TEP1: variants seen among roughly 807,000 people sequenced by gnomAD.
TEP1 encodes telomerase protein component 1.
A neutral mutation model predicts 306.3 loss-of-function variants in TEP1; 241 were observed. That is an observed-to-expected ratio of 0.79 (90% confidence interval 0.71 to 0.88). The LOEUF is 0.88. TEP1 is among the 40% of genes least tolerant of loss of function. The pLI is 0.00. For missense variants in TEP1, 3,051 were observed against 3,276.1 expected (o/e 0.93, Z 1.68); for synonymous variants, 1,289 against 1,305.5 (o/e 0.99, Z 0.27).
chr14:20,374,575 T>TTAGCCACTGTGCAGCTGCCATGGAG, intron 43 of TEP1, 39 bp from the exon 44 acceptor site: 1 of 1,489,292 alleles, frequency 6.7e-7, no homozygotes, highest in Non-Finnish European at 9.3e-7. Context: ...ATTATCAGCA[T>TTAGCCACTGTGCAGCTGCCATGGAG]CCCTCCAGCA....
In TEP1 at chr14:20,366,533, A is replaced by G. The variant is rs1471106147; in HGVS notation, c.*1904T>C. The G allele has an allele frequency of 6.6e-6, 1 of 152,256 alleles. No individual in the cohort carries two copies. The highest frequency in any genetic ancestry group is 1.5e-5 in the Non-Finnish European group (1 of 68,042). 9.4% of individuals were successfully genotyped at this position (152,256 alleles called of 1,614,324 possible). ...TGGCATGAGGCACATAAGAGAAGAC[A>G]GAAGCATGGCCTATCAGCGGATGTC... On this transcript the variant is annotated 3_prime_UTR_variant, in exon 55 of 55. Transcript: ENST00000262715.
intron 21 of TEP1, 81 bp downstream of exon 21, chr14:20,384,904 T>C: frequency 6.3e-7 from 1 of 1,598,188 alleles, no homozygotes; most frequent in Non-Finnish European, 8.5e-7. Context: ...TCCCCTTCTA[T>C]ACTCTGAATA....
rs147180226 is a variant in TEP1, at chr14:20,391,629, G to C, written c.2067C>G (p.Asp689Glu). Reference sequence around the variant, plus strand: ...GTGGGTTGCTCTTTGGACAGAGCCTGTCTGCATTAGCATCTGTCAGATAGA... The same window carrying C: ...GTGGGTTGCTCTTTGGACAGAGCCTCTCTGCATTAGCATCTGTCAGATAGA... ...VLVYLTDANA[D>E]RLCPKSNPQG... Residue 689 changes from aspartate to glutamate, a missense_variant, in exon 13 of 55, where the codon GAC becomes GAG. Asp to Glu is a conservative substitution (Grantham distance 45). Coordinates refer to ENST00000262715, the MANE Select transcript of TEP1 (RefSeq NM_007110.5). 3 of 1,614,004 alleles carry C rather than the reference G, an allele frequency of 1.9e-6. No homozygotes were observed. Among genetic ancestry groups the C allele is most frequent in the Non-Finnish European group, 2.5e-6 (3 of 1,180,006 alleles).
chr14:20,398,082 G>T (rs1878350741), intron 9 of TEP1, among the ~76,000 whole-genome samples: 1 of 150,508 alleles, frequency 6.6e-6, no homozygotes, highest in South Asian at 2.2e-4. Flanking sequence ...TATTTTTAAG[G>T]TTTATATCAA....
chr14:20,379,723 G>A (rs924144759), intron 35 of TEP1, among the ~76,000 whole-genome samples: 2 of 152,186 alleles, frequency 1.3e-5, no homozygotes, highest in Non-Finnish European at 2.9e-5. Context: ...TTCTTGCAAC[G>A]CTTAGCACAG....
In TEP1 at chr14:20,376,293, C is replaced by T. The variant is rs757413249; in HGVS notation, c.6089-29G>A. 7.5e-6 allele frequency: 12 copies of T among 1,599,450 alleles called. No individual in the cohort carries two copies. In the African/African-American group the frequency reaches 1.3e-4, roughly 18 times the overall value. ...CATTGGAAAAAGAGAGAGGGAACAG[C>T]TTCCTGAAAGAGGAAGCCAGACAGG... On this transcript the variant is annotated intron_variant, in intron 41 of 54. Coordinates refer to ENST00000262715, the MANE Select transcript of TEP1 (RefSeq NM_007110.5).
At chr14:20,396,773 G>C (rs1468503975) in intron 9 of TEP1, 43 bp from the exon 10 acceptor site, 1 of 1,413,106 alleles carries the variant, frequency 7.1e-7, no homozygotes, top group Non-Finnish European at 9.8e-7. Flanking sequence ...AAATGAGAAG[G>C]CCAGGCACAG....
rs1324874456 is a variant in TEP1, at chr14:20,401,591, C to A, written c.1267-10G>T. ...CACCGGCCTTCTCAAACTGTGGAAA[C>A]ATCCCCAAGTCCCACAGGGGTCCTT... On this transcript the variant is annotated splice_polypyrimidine_tract_variant and intron_variant, in intron 7 of 54. Coordinates refer to ENST00000262715, the MANE Select transcript of TEP1 (RefSeq NM_007110.5). 4.3e-6 allele frequency: 7 copies of A among 1,613,772 alleles called. No individual in the cohort carries two copies. The highest frequency in any genetic ancestry group is 5.1e-6 in the Non-Finnish European group (6 of 1,179,904).
chr14:20,387,500 C>T (rs1021532382), intron 18 of TEP1, among the ~76,000 whole-genome samples: 2 of 148,690 alleles, frequency 1.3e-5, no homozygotes, highest in Admixed American at 6.7e-5. Flanking sequence ...TGCAGTGAGC[C>T]GAGATCACGC....
chr14:20,391,862 T>C, intron 12 of TEP1, 95 bp from the exon 13 acceptor site: 2 of 1,379,372 alleles, frequency 1.4e-6, no homozygotes, highest in Non-Finnish European at 2.0e-6. Flanking sequence ...AAGTATTGAG[T>C]CTTCTCCCTC....
At chr14:20,403,247 C>G (rs1878899449) in intron 7 of TEP1, 130 bp downstream of exon 7, 1 of 1,146,968 alleles carries the variant, frequency 8.7e-7, no homozygotes, top group African/African-American at 1.6e-5. Context: ...GCTCTCAGAA[C>G]CTTACCCACA....
At chr14:20,403,159 CAAAAA>C (rs61465318) in intron 7 of TEP1, among the ~76,000 whole-genome samples, 2 of 83,218 alleles carry the variant, frequency 2.4e-5, no homozygotes, top group African/African-American at 4.7e-5. Flanking sequence ...AACTTCATCT[CAAAAA>C]AAAAAAAAAA....
At position 20,373,018 on chromosome 14, in the gene TEP1, G is replaced by A. The variant is rs1566440048; in HGVS notation, c.6944C>T (p.Thr2315Ile). ...ILWQEAKAVA[T>I]AQAPGHIGAL... is the part of the protein sequence containing the mutation. ...AAGGGTACACCGACTCACCTGTGCTGTGGCCACAGCCTTAGCTTCCTGCCA... is the reference window on the plus strand; with the variant it reads ...AAGGGTACACCGACTCACCTGTGCTATGGCCACAGCCTTAGCTTCCTGCCA... The change falls in exon 48 of 55, where the codon ACA becomes ATA. Residue 2315 changes from threonine to isoleucine, a missense_variant. Transcript: ENST00000262715. 6.2e-7 allele frequency: 1 copy of A among 1,614,064 alleles called. No homozygotes were observed. Among genetic ancestry groups the A allele is most frequent in the Non-Finnish European group, 8.5e-7 (1 of 1,180,044 alleles).
intron 13 of TEP1, 58 bp downstream of exon 13, chr14:20,391,541 C>T (rs1877719382): frequency 4.5e-6 from 7 of 1,557,376 alleles, no homozygotes; most frequent in East Asian, 2.3e-5. Flanking sequence ...GGATACTGCT[C>T]AGGATCCCCA....
At chr14:20,390,369 C>A (rs1490800733) in intron 15 of TEP1, among the ~76,000 whole-genome samples, 6 of 152,240 alleles carry the variant, frequency 3.9e-5, no homozygotes, top group Admixed American at 2.0e-4. Context: ...TACTACACAG[C>A]AGTGTGCTCC....
In TEP1 at chr14:20,368,417, T is replaced by C; in HGVS notation, c.*20A>G. The C allele has an allele frequency of 6.2e-7, 1 of 1,613,176 alleles. No homozygotes were observed. Among genetic ancestry groups the C allele is most frequent in the Non-Finnish European group, 8.5e-7 (1 of 1,179,176 alleles). ...GCATCTCTAGCACAAGGGGTATCATTATTCCCGAGTGGCACATCTTCATTC... is the reference window on the plus strand; with the variant it reads ...GCATCTCTAGCACAAGGGGTATCATCATTCCCGAGTGGCACATCTTCATTC... On this transcript the variant is annotated 3_prime_UTR_variant, in exon 55 of 55. Coordinates refer to ENST00000262715, the MANE Select transcript of TEP1 (RefSeq NM_007110.5).
rs1178294826 is a variant in TEP1 at position 20,404,591 on chromosome 14, C to G, written c.1032+20G>C. 6.2e-7 allele frequency: 1 copy of G among 1,603,650 alleles called. No homozygotes were observed. The highest frequency in any genetic ancestry group is 1.7e-5 in the Admixed American group (1 of 58,326). ...AAGGAATGAAGTGAAGGCCCAAGCT[C>G]AGGGAAATGAGCACCATACCTGGTA... On this transcript the variant is annotated intron_variant, in intron 5 of 54. Coordinates refer to ENST00000262715, the MANE Select transcript of TEP1 (RefSeq NM_007110.5).
In TEP1 at chr14:20,368,247, A is replaced by C. The variant is rs977230917; in HGVS notation, c.*190T>G. 8.4e-5 allele frequency: 46 copies of C among 546,272 alleles called. No individual in the cohort carries two copies. The highest frequency in any genetic ancestry group is 1.6e-5 in the Non-Finnish European group (5 of 321,346). The allele number at this position is 546,272 out of a possible 1,614,324, so 33.8% of individuals were successfully genotyped here. A position where few individuals can be genotyped will look rare whatever the true frequency, so the allele number is the denominator to read the frequency against. On this transcript the variant is annotated 3_prime_UTR_variant, in exon 55 of 55. Coordinates refer to ENST00000262715, the MANE Select transcript of TEP1 (RefSeq NM_007110.5). The stretch of plus-strand genomic sequence containing the variant: ...GACACACATTAGAATGTACATATAC[A>C]TACACATAGAATATCCTCCTGTTCT...
rs768959051 is a variant in TEP1, at chr14:20,373,512, G to A, written c.6676C>T (p.Leu2226Phe). 1.9e-6 allele frequency: 3 copies of A among 1,614,218 alleles called. No homozygotes were observed. The highest frequency in any genetic ancestry group is 2.5e-6 in the Non-Finnish European group (3 of 1,180,046). ...TGGTCCTTGCAGGAACTCACCAAGA[G>A]TGGATGCCATAACCGTGTGGCCCCA... Reference protein sequence around the residue: ...LDGATRLWHPLLVCQTHTLLG... With the variant: ...LDGATRLWHPFLVCQTHTLLG... The change falls in exon 46 of 55, where the codon CTC (leucine) becomes TTC (phenylalanine). Residue 2226 changes from leucine to phenylalanine, a missense_variant. This residue lies in a region of TEP1 where 1,540 missense variants were observed against 1,705.9 expected (regional missense o/e 0.90). Transcript: ENST00000262715.
Sources: allele counts gnomAD v4.1 joint callset (sites outside exome capture counted in the v4.1 genomes callset), GRCh38; gene constraint gnomAD v4.1.1; regional missense constraint gnomAD v4.1.1; transcripts MANE v1.5; gene names NCBI Gene and HGNC (gene_info 2026-07-23, HGNC 2026-07-21).